MCM3: variants seen among roughly 807,000 people sequenced by gnomAD.
The protein encoded by MCM3 is minichromosome maintenance complex component 3.
MCM3 carries 59 observed loss-of-function variants against 91.3 expected under a neutral mutation model. The observed-to-expected ratio is 0.65, with a 90% CI of 0.52 to 0.80. The LOEUF is 0.80. Among genes scored for constraint, MCM3 ranks in the 30% least tolerant of loss-of-function variants. The pLI is 0.00. For synonymous variants in MCM3, 383 were observed against 379.6 expected (o/e 1.01, Z -0.10); for missense variants, 919 against 1,035.4 (o/e 0.89, Z 1.54).
At position 52,264,939 on chromosome 6, in the gene MCM3, A is replaced by G. The variant is rs560402057; in HGVS notation, c.2229-153T>C. Among the ~76,000 whole-genome samples, 7 of 152,166 alleles carry G rather than the reference A, an allele frequency of 4.6e-5. No individual in the cohort carries two copies. The South Asian group carries it at 1.5e-3, about 32-fold the overall frequency. ...CACATCTGCCTCTGATGGCAGTGCTACCCTTGAGGAGCCCCCTTTAAAGCT... is the reference window on the plus strand; with the variant it reads ...CACATCTGCCTCTGATGGCAGTGCTGCCCTTGAGGAGCCCCCTTTAAAGCT... On this transcript the variant is annotated intron_variant, in intron 16 of 16. Coordinates refer to ENST00000596288, the MANE Select transcript of MCM3 (RefSeq NM_002388.6).
chr6:52,277,566 G>T lies in MCM3; in HGVS notation c.1002C>A (p.His334Gln). The change falls in exon 7 of 17, where the codon CAC (histidine) becomes CAA (glutamine). Residue 334 changes from histidine to glutamine, a missense_variant. His to Gln is a conservative substitution (Grantham distance 24, BLOSUM62 0). This residue lies in a region of MCM3 where 233 missense variants were observed against 321.2 expected (regional missense o/e 0.73). Transcript: ENST00000596288. ...GVERDLENGS[H>Q]IRGDINILLI... ...GAAGAATATTGATGTCCCCACGGAT[G>T]TGGCTGCCATTTTCTAGGTCTCGTT... The T allele has an allele frequency of 6.2e-6, 10 of 1,614,090 alleles. No individual in the cohort carries two copies. Among genetic ancestry groups the T allele is most frequent in the Non-Finnish European group, 8.5e-6 (10 of 1,180,022 alleles).
At chr6:52,268,770 T>C (rs924906802) in intron 13 of MCM3, among the ~76,000 whole-genome samples, 1 of 152,108 alleles carries the variant, frequency 6.6e-6, no homozygotes, top group Non-Finnish European at 1.5e-5. Flanking sequence ...ACACCTACTT[T>C]TTTTTTTAAG....
At chr6:52,274,921 C>T (rs1362602252) in intron 9 of MCM3, among the ~76,000 whole-genome samples, 1 of 151,974 alleles carries the variant, frequency 6.6e-6, no homozygotes, top group African/African-American at 2.4e-5. Context: ...CATACATTAT[C>T]ATTTATTTTA....
chr6:52,274,851 C>G (rs1765427592), intron 9 of MCM3, among the ~76,000 whole-genome samples: 2 of 152,152 alleles, frequency 1.3e-5, no homozygotes, highest in Admixed American at 1.3e-4. Flanking sequence ...TGACCATGTT[C>G]ACGTTTCAGG....
chr6:52,275,139 C>G (rs551176842), intron 9 of MCM3, among the ~76,000 whole-genome samples: 2 of 152,140 alleles, frequency 1.3e-5, no homozygotes, highest in Non-Finnish European at 2.9e-5. Flanking sequence ...CCCTTCTAAA[C>G]CATAGCTACC....
At chr6:52,279,860 T>C (rs754399034) in intron 4 of MCM3, among the ~76,000 whole-genome samples, 1 of 152,218 alleles carries the variant, frequency 6.6e-6, no homozygotes, top group Non-Finnish European at 1.5e-5. Flanking sequence ...AAGCTGAATA[T>C]ATGCTTACAT....
intron 14 of MCM3, 29 bp from the exon 15 acceptor site, chr6:52,266,725 GAA>G (rs746678464): frequency 1.9e-6 from 3 of 1,583,420 alleles, no homozygotes; most frequent in East Asian, 2.2e-5. Context: ...TTAAGAGAGA[GAA>G]AGAGTTTGGA....
intron 1 of MCM3, 130 bp downstream of exon 1, chr6:52,284,467 T>C: frequency 4.0e-6 from 3 of 748,194 alleles, no homozygotes; most frequent in Non-Finnish European, 6.3e-6. Flanking sequence ...AGATTGGGGC[T>C]GGAGGCTCGG....
At chr6:52,276,662 A>G (rs1020394662) in intron 8 of MCM3, among the ~76,000 whole-genome samples, 186 bp from the exon 9 acceptor site, 18 of 152,064 alleles carry the variant, frequency 1.2e-4, no homozygotes, top group Admixed American at 3.9e-4. Context: ...CTAAATATTA[A>G]TAGTATCTCT....
At chr6:52,283,950 T>A (rs1342610316) in intron 1 of MCM3, among the ~76,000 whole-genome samples, 4 of 152,196 alleles carry the variant, frequency 2.6e-5, no homozygotes, top group Non-Finnish European at 5.9e-5. Context: ...AAAAGTAATA[T>A]TTTTTCCAAT....
intron 11 of MCM3, 27 bp downstream of exon 11, chr6:52,273,203 T>C (rs1361805646): frequency 3.1e-6 from 5 of 1,613,840 alleles, no homozygotes; most frequent in South Asian, 2.2e-5. Flanking sequence ...TCAGGTTCCC[T>C]TGAGGAAGAG....
At chr6:52,278,070 C>CAA (rs61625257) in intron 6 of MCM3, among the ~76,000 whole-genome samples, 485 of 38,974 alleles carry the variant, frequency 0.012, 79 homozygotes, top group African/African-American at 0.048. Context: ...TCCGTCTCAC[C>CAA]AAAAAAAAAA....
rs1764461802 is a variant in MCM3, at chr6:52,264,239, C to CAGA, written c.*348_*349insTCT. 4.2e-6 allele frequency: 1 copy of CAGA among 236,742 alleles called. No homozygotes were observed. Among genetic ancestry groups the CAGA allele is most frequent in the African/African-American group, 2.3e-5 (1 of 43,610 alleles). 14.7% of individuals were successfully genotyped at this position (236,742 alleles called of 1,614,324 possible). On this transcript the variant is annotated 3_prime_UTR_variant, in exon 17 of 17. Transcript: ENST00000596288. ...GAAAAAAAACAAAACAAAAAAACAGCAAACAGAAAACAGTTGTGCCCCCAA... is the reference window on the plus strand; with the variant it reads ...GAAAAAAAACAAAACAAAAAAACAGCAGAAAACAGAAAACAGTTGTGCCCCCAA...
intron 4 of MCM3, among the ~76,000 whole-genome samples, chr6:52,281,776 G>C (rs763641027): frequency 2.0e-5 from 3 of 152,062 alleles, no homozygotes; most frequent in Non-Finnish European, 2.9e-5. Flanking sequence ...TGCAAATTTA[G>C]TGCACCATGA....
intron 13 of MCM3, among the ~76,000 whole-genome samples, chr6:52,268,287 A>C (rs1263935175): frequency 6.6e-6 from 1 of 152,244 alleles, no homozygotes; most frequent in Non-Finnish European, 1.5e-5. Context: ...TCAGGTGTCT[A>C]ATTGAAATCC....
At chr6:52,279,742 GTGTTCC>G in intron 4 of MCM3, 143 bp from the exon 5 acceptor site, 1 of 654,340 alleles carries the variant, frequency 1.5e-6, no homozygotes, top group Non-Finnish European at 2.6e-6. Flanking sequence ...CTAGCTTTTT[GTGTTCC>G]TGTCTGTTTT....
chr6:52,280,136 T>C (rs1394690504), intron 4 of MCM3, among the ~76,000 whole-genome samples: 1 of 152,126 alleles, frequency 6.6e-6, no homozygotes, highest in Non-Finnish European at 1.5e-5. Flanking sequence ...AGTATTTAAA[T>C]AAAAAACAGC....
intron 1 of MCM3, 145 bp from the exon 2 acceptor site, chr6:52,283,551 C>T (rs1482812344): frequency 1.5e-6 from 1 of 653,568 alleles, no homozygotes; most frequent in Non-Finnish European, 2.8e-6. Flanking sequence ...CAATTTCTCC[C>T]TTTCATTCAC....
chr6:52,278,892 TC>T (rs1765814220), intron 5 of MCM3, 42 bp from the exon 6 acceptor site: 1 of 1,414,122 alleles, frequency 7.1e-7, no homozygotes, highest in African/African-American at 1.4e-5. Flanking sequence ...TATATTCAAT[TC>T]CTAACATCAG....
Sources: gnomAD v4.1 joint callset for allele counts (sites outside exome capture counted in the v4.1 genomes callset) on GRCh38, gnomAD v4.1.1 for gene constraint, gnomAD v4.1.1 regional missense constraint, MANE v1.5 for transcripts, NCBI Gene and HGNC (gene_info 2026-07-23, HGNC 2026-07-21) for gene names.